Variants in NID1 observed in about 807,000 individuals in gnomAD.
NID1 encodes nidogen-1.
In NID1, 76 loss-of-function variants were observed where a neutral mutation model predicts 130.6. The ratio of observed to expected loss-of-function variants is 0.58; its 90% CI spans 0.48 to 0.70. NID1 has a LOEUF of 0.70. Among genes scored for constraint, NID1 ranks in the 30% least tolerant of loss-of-function variants. The pLI is 0.00. For missense variants in NID1, 1,517 were observed against 1,664.8 expected (o/e 0.91, Z 1.54); for synonymous variants, 665 against 675.1 (o/e 0.98, Z 0.23).
rs1399984222 is a variant in NID1 at position 235,977,832 on chromosome 1, G to T, written c.*35C>A. 2.5e-6 allele frequency: 4 copies of T among 1,610,068 alleles called. No individual in the cohort carries two copies. Among genetic ancestry groups the T allele is most frequent in the Non-Finnish European group, 3.4e-6 (4 of 1,177,462 alleles). On this transcript the variant is annotated 3_prime_UTR_variant, in exon 20 of 20. Transcript: ENST00000264187. ...GTTGCTTCAAGTAGAGTGTTGCTGT[G>T]AAATACTTGGAAAGGAAATAAGGCA...
At chr1:236,052,275 T>A (rs1188349002) in intron 1 of NID1, among the ~76,000 whole-genome samples, 1 of 152,166 alleles carries the variant, frequency 6.6e-6, no homozygotes, top group African/African-American at 2.4e-5. Flanking sequence ...TTGTTCCTTT[T>A]CTCCATCTTT....
chr1:235,977,667 A>G lies in NID1; in HGVS notation c.*200T>C. The stretch of plus-strand genomic sequence containing the variant: ...GGGGTGGAGGGTTCTGTCCTTGTGT[A>G]GGGGTGGAGACTTTTCTATTAGAGA... On this transcript the variant is annotated 3_prime_UTR_variant, in exon 20 of 20. Transcript: ENST00000264187. 1 of 566,688 alleles carries G rather than the reference A, an allele frequency of 1.8e-6. No homozygotes were observed. Among genetic ancestry groups the G allele is most frequent in the Non-Finnish European group, 3.1e-6 (1 of 318,318 alleles). 35.1% of individuals were successfully genotyped at this position (566,688 alleles called of 1,614,324 possible). A position where few individuals can be genotyped will look rare whatever the true frequency, so the allele number is the denominator to read the frequency against.
chr1:236,002,313 G>A (rs958691365), intron 12 of NID1, among the ~76,000 whole-genome samples: 7 of 152,160 alleles, frequency 4.6e-5, no homozygotes, highest in East Asian at 3.9e-4. Flanking sequence ...GACCAGCCTG[G>A]CTAACATGGT....
At chr1:236,007,460 G>T (rs930455095) in intron 12 of NID1, among the ~76,000 whole-genome samples, 2 of 152,186 alleles carry the variant, frequency 1.3e-5, no homozygotes, top group Non-Finnish European at 2.9e-5. Context: ...TACTTGGGCA[G>T]ACCCCTGTCA....
At chr1:236,015,647 CAAA>C (rs71559908) in intron 10 of NID1, among the ~76,000 whole-genome samples, 5 of 80,068 alleles carry the variant, frequency 6.2e-5, no homozygotes, top group Non-Finnish European at 7.3e-5. Context: ...AACCCTGTCT[CAAA>C]AAAAAAAAAA....
intron 13 of NID1, among the ~76,000 whole-genome samples, chr1:235,992,984 C>G (rs1023979500): frequency 1.3e-5 from 2 of 151,846 alleles, no homozygotes; most frequent in Non-Finnish European, 2.9e-5. Flanking sequence ...AGACTGGGGA[C>G]GCTGAGGCTG....
At chr1:235,982,018 A>C (rs1259440072) in intron 15 of NID1, among the ~76,000 whole-genome samples, 1 of 152,224 alleles carries the variant, frequency 6.6e-6, no homozygotes, top group Non-Finnish European at 1.5e-5. Context: ...GGGAACCAGG[A>C]CAGTAACAAT....
At position 236,005,746 on chromosome 1, in the gene NID1, A is replaced by T. The variant is rs191155797; in HGVS notation, c.2527+6175T>A. 4.5e-3 allele frequency among the ~76,000 whole-genome samples: 681 copies of T among 152,318 alleles called. 4 individuals are homozygous for T. Among genetic ancestry groups the T allele is most frequent in the Middle Eastern group, 0.01 (3 of 294 alleles). ...AGTGGTCAAAAACATAGCTTATCTG[A>T]ATTTTAAAATGAACAAAAATCCATA... is the stretch of plus-strand genomic sequence containing the variant. On this transcript the variant is annotated intron_variant, in intron 12 of 19. Coordinates refer to ENST00000264187, the MANE Select transcript of NID1 (RefSeq NM_002508.3).
chr1:236,018,698 C>A (rs756511746), intron 9 of NID1, among the ~76,000 whole-genome samples: 3 of 152,226 alleles, frequency 2.0e-5, no homozygotes, highest in Non-Finnish European at 4.4e-5. Flanking sequence ...GAGGGCCTCC[C>A]AAAGTGCTGG....
intron 12 of NID1, among the ~76,000 whole-genome samples, chr1:235,999,116 T>G (rs1278082831): frequency 6.6e-6 from 1 of 152,238 alleles, no homozygotes; most frequent in African/African-American, 2.4e-5. Context: ...CAAAATTACC[T>G]GTGCATCCAG....
At chr1:236,004,392 C>T (rs192314056) in intron 12 of NID1, among the ~76,000 whole-genome samples, 7 of 152,250 alleles carry the variant, frequency 4.6e-5, no homozygotes, top group African/African-American at 7.2e-5. Flanking sequence ...AAAGCCCCAG[C>T]GCTAACAGGC....
chr1:236,026,134 AGT>A lies in NID1; in HGVS notation c.1744_1745del (p.Thr582PhefsTer11). On this transcript the variant is annotated frameshift_variant, in exon 8 of 20. Coordinates refer to ENST00000264187, the MANE Select transcript of NID1 (RefSeq NM_002508.3). LOFTEE classifies it high-confidence loss of function. ...CCGTGTACTCCCGGGTGGAGGAGGA[AGT>A]GATCACTGCAGAGTGGGAAGGATGG... The part of the protein sequence containing the change: ...ELYHYSTSVI[T>X]SSSTREYTVT... 1 of 1,609,168 alleles carries A rather than the reference AGT, an allele frequency of 6.2e-7. No individual in the cohort carries two copies. Among genetic ancestry groups the A allele is most frequent in the Non-Finnish European group, 8.5e-7 (1 of 1,176,984 alleles).
intron 14 of NID1, among the ~76,000 whole-genome samples, chr1:235,990,284 C>A (rs555917344): frequency 6.6e-6 from 1 of 152,196 alleles, no homozygotes; most frequent in African/African-American, 2.4e-5. Flanking sequence ...CAAGTAGCAT[C>A]TTTACCAAGA....
intron 11 of NID1, among the ~76,000 whole-genome samples, chr1:236,012,578 A>AAAT: frequency 1.0e-5 from 1 of 99,554 alleles, no homozygotes; most frequent in South Asian, 3.7e-4. Context: ...AAAAAAAAAA[A>AAAT]AAAGAAAGAA....
intron 4 of NID1, 120 bp from the exon 5 acceptor site, chr1:236,038,373 G>A: frequency 9.7e-7 from 1 of 1,032,528 alleles, no homozygotes; most frequent in Non-Finnish European, 1.4e-6. Flanking sequence ...GCAATTCAAG[G>A]GACCAGGCTC....
In NID1 at chr1:236,025,674, C is replaced by T. The variant is rs919969355; in HGVS notation, c.1984+222G>A. Among the ~76,000 whole-genome samples the T allele has an allele frequency of 1.8e-4, 27 of 152,206 alleles. 1 individual carries two copies. Among genetic ancestry groups the T allele is most frequent in the Admixed American group, 1.4e-3 (22 of 15,278 alleles). ...CACCTCAACAGGTTAGCATTCTGCA[C>T]TTTACTTTAGATAGAATCACGAATA... On this transcript the variant is annotated intron_variant, in intron 8 of 19. Transcript: ENST00000264187.
intron 14 of NID1, among the ~76,000 whole-genome samples, chr1:235,987,711 C>A (rs961779860): frequency 1.3e-5 from 2 of 152,114 alleles, no homozygotes; most frequent in African/African-American, 4.8e-5. Flanking sequence ...TGGTCGTGGA[C>A]ACAGTACTAG....
chr1:236,039,454 A>AC (rs1264222807), intron 4 of NID1, among the ~76,000 whole-genome samples: 6 of 151,948 alleles, frequency 3.9e-5, no homozygotes, highest in South Asian at 4.1e-4. Context: ...ATTTGGAAGC[A>AC]CTTATACTCA....
chr1:235,978,079 C>A, intron 19 of NID1, 91 bp from the exon 20 acceptor site: 1 of 1,482,400 alleles, frequency 6.7e-7, no homozygotes, highest in Non-Finnish European at 9.2e-7. Context: ...TGTGTGATCC[C>A]CCTTTTAGTT....
Sources: allele counts gnomAD v4.1 joint callset (sites outside exome capture counted in the v4.1 genomes callset), GRCh38; gene constraint gnomAD v4.1.1; transcripts MANE v1.5; gene names NCBI Gene and HGNC (gene_info 2026-07-23, HGNC 2026-07-21).